Variants in ANKRD33B observed in about 807,000 individuals in gnomAD.
ANKRD33B encodes the protein ankyrin repeat domain 33B.
Under a neutral mutation model 21.5 loss-of-function variants are expected in ANKRD33B, and 6 were observed. The observed-to-expected ratio is 0.28, with a 90% CI of 0.15 to 0.55. The LOEUF (loss-of-function observed/expected upper bound fraction) is 0.55. ANKRD33B is among the 20% of genes least tolerant of loss of function. The pLI, the probability that ANKRD33B is intolerant of heterozygous loss-of-function variation, is 0.94. For missense variants in ANKRD33B, 698 were observed against 747.2 expected (o/e 0.93, Z 0.77); for synonymous variants, 347 against 342.4 (o/e 1.01, Z -0.15).
chr5:10,592,309 G>A (rs1386623385), intron 1 of ANKRD33B, among the ~76,000 whole-genome samples: 1 of 152,004 alleles, frequency 6.6e-6, no homozygotes, highest in Non-Finnish European at 1.5e-5. Context: ...GAGCATATAT[G>A]TGATAGAAAA....
intron 3 of ANKRD33B, 103 bp downstream of exon 3, chr5:10,638,271 C>G: frequency 3.0e-6 from 4 of 1,334,852 alleles, no homozygotes; most frequent in South Asian, 2.9e-5. Flanking sequence ...GAAACAATGC[C>G]TAGTTGCTGC....
intron 2 of ANKRD33B, among the ~76,000 whole-genome samples, chr5:10,629,264 G>A (rs892566400): frequency 2.6e-5 from 4 of 152,186 alleles, no homozygotes; most frequent in African/African-American, 7.2e-5. Flanking sequence ...GGTCAGGGAT[G>A]GAGAAACAAA....
intron 1 of ANKRD33B, among the ~76,000 whole-genome samples, chr5:10,609,022 A>G (rs1486549472): frequency 6.6e-6 from 1 of 152,220 alleles, no homozygotes; most frequent in East Asian, 1.9e-4. Context: ...TTTAGTGTCT[A>G]GGGCTGTATT....
intron 1 of ANKRD33B, among the ~76,000 whole-genome samples, chr5:10,612,589 G>A (rs1387706591): frequency 6.6e-6 from 1 of 152,212 alleles, no homozygotes; most frequent in Non-Finnish European, 1.5e-5. Flanking sequence ...CGCTGCCCGA[G>A]TATTCTTGCA....
intron 3 of ANKRD33B, among the ~76,000 whole-genome samples, chr5:10,639,257 C>G (rs13186647): frequency 1.1e-3 from 8 of 7,352 alleles, no homozygotes; most frequent in Admixed American, 1.6e-3. Context: ...CGATGTTAGG[C>G]GGTGACGTGG....
intron 2 of ANKRD33B, among the ~76,000 whole-genome samples, chr5:10,633,946 A>G (rs1173368319): frequency 2.6e-5 from 4 of 152,140 alleles, no homozygotes; most frequent in Admixed American, 2.0e-4. Context: ...ATAGTCTTTC[A>G]CAGGAAGTCA....
chr5:10,626,899 T>C (rs1421578883), intron 2 of ANKRD33B, among the ~76,000 whole-genome samples: 2 of 152,208 alleles, frequency 1.3e-5, no homozygotes, highest in South Asian at 2.1e-4. Flanking sequence ...AGAATCAGCA[T>C]TGTGAAGCGC....
intron 1 of ANKRD33B, among the ~76,000 whole-genome samples, chr5:10,568,558 T>C (rs1291265090): frequency 6.6e-6 from 1 of 152,204 alleles, no homozygotes; most frequent in Non-Finnish European, 1.5e-5. Flanking sequence ...TTTTTGAGAC[T>C]GAGTCTTGCT....
chr5:10,638,752 G>A (rs926101280), intron 3 of ANKRD33B, among the ~76,000 whole-genome samples: 5 of 151,956 alleles, frequency 3.3e-5, no homozygotes, highest in African/African-American at 1.2e-4. Context: ...GGAGTTGCTT[G>A]TTAACGTTAG....
chr5:10,567,109 A>C (rs189201050), intron 1 of ANKRD33B, among the ~76,000 whole-genome samples: 1 of 152,340 alleles, frequency 6.6e-6, no homozygotes, highest in East Asian at 1.9e-4. Flanking sequence ...TAGCCTGCTA[A>C]CTTAGAGACC....
chr5:10,585,066 G>T (rs554332236), intron 1 of ANKRD33B, among the ~76,000 whole-genome samples: 4 of 152,294 alleles, frequency 2.6e-5, no homozygotes, highest in African/African-American at 9.6e-5. Context: ...CAGGAGATGA[G>T]GTCAGAAGTG....
At chr5:10,624,417 G>A (rs777839886) in intron 2 of ANKRD33B, among the ~76,000 whole-genome samples, 7 of 152,030 alleles carry the variant, frequency 4.6e-5, no homozygotes, top group African/African-American at 9.6e-5. Flanking sequence ...GGCGTGAGCC[G>A]CCGGGCCTGG....
intron 1 of ANKRD33B, among the ~76,000 whole-genome samples, chr5:10,585,669 C>A (rs1735539208): frequency 6.6e-6 from 1 of 152,190 alleles, no homozygotes; most frequent in African/African-American, 2.4e-5. Context: ...TGGATTGTAG[C>A]CTTGCTGGGA....
At position 10,632,075 on chromosome 5, in the gene ANKRD33B, G is replaced by T. The variant is rs146819125; in HGVS notation, c.497-5953G>T. 5.5e-3 allele frequency among the ~76,000 whole-genome samples: 828 copies of T among 151,834 alleles called. 31 individuals carry two copies. The highest frequency in any genetic ancestry group is 0.046 in the Admixed American group (695 of 15,264). On this transcript the variant is annotated intron_variant, in intron 2 of 3. Coordinates refer to ENST00000296657, the MANE Select transcript of ANKRD33B (RefSeq NM_001164440.2). ...TGCCCTTCCATCCTGTCATAGCCAG[G>T]ACTCAGTTTTCAAGGGTTCTCTGGG...
At chr5:10,566,127 A>G (rs1431382820) in intron 1 of ANKRD33B, among the ~76,000 whole-genome samples, 1 of 152,192 alleles carries the variant, frequency 6.6e-6, no homozygotes, top group Non-Finnish European at 1.5e-5. Context: ...GTGGGGACAC[A>G]GCCAAACCAT....
rs1560977615 is a variant in ANKRD33B at position 10,622,793 on chromosome 5, GC to G, written c.496+4332del. Among the ~76,000 whole-genome samples, 248 of 98,224 alleles carry G rather than the reference GC, an allele frequency of 2.5e-3. 5 individuals are homozygous for G. The highest frequency in any genetic ancestry group is 0.01 in the African/African-American group (231 of 22,254). The allele number at this position is 98,224 out of a possible 152,430, so 64.4% of individuals were successfully genotyped here. A position where few individuals can be genotyped will look rare whatever the true frequency, so the allele number is the denominator to read the frequency against. ...TGATCCAGGGTTGTTTTTTGTTTTT[GC>G]TTTATTTTATTTTATTTTTTTTTTT... On this transcript the variant is annotated intron_variant, in intron 2 of 3. Coordinates refer to ENST00000296657, the MANE Select transcript of ANKRD33B (RefSeq NM_001164440.2).
intron 1 of ANKRD33B, among the ~76,000 whole-genome samples, chr5:10,570,267 A>G (rs1400669582): frequency 6.6e-6 from 1 of 152,192 alleles, no homozygotes; most frequent in Admixed American, 6.5e-5. Flanking sequence ...GGTGTTTACA[A>G]CTGTAAATGT....
chr5:10,601,964 G>T (rs1288255732), intron 1 of ANKRD33B, among the ~76,000 whole-genome samples: 1 of 152,196 alleles, frequency 6.6e-6, no homozygotes, highest in Non-Finnish European at 1.5e-5. Context: ...TAGGGGGCAT[G>T]TGAGGGAGTG....
chr5:10,638,772 TGTTGCACG>T (rs1386504001), intron 3 of ANKRD33B, among the ~76,000 whole-genome samples: 3 of 151,694 alleles, frequency 2.0e-5, no homozygotes, highest in Non-Finnish European at 2.9e-5. Context: ...GGAGGCGACA[TGTTGCACG>T]GTAGCATTAG....
Sources: allele counts gnomAD v4.1 joint callset (sites outside exome capture counted in the v4.1 genomes callset), GRCh38; gene constraint gnomAD v4.1.1; transcripts MANE v1.5; gene names NCBI Gene and HGNC (gene_info 2026-07-23, HGNC 2026-07-21).